The following RPS6KC1 variants were observed in gnomAD, a reference collection of about 807,000 sequenced individuals.
RPS6KC1 encodes the protein inactive ribosomal protein S6 kinase delta-1.
Under a neutral mutation model 103.8 loss-of-function variants are expected in RPS6KC1, and 54 were observed. That is an observed-to-expected ratio of 0.52 (90% CI 0.42 to 0.65). RPS6KC1 has a LOEUF of 0.65. Ranked by LOEUF, RPS6KC1 falls within the 30% of genes least tolerant of loss-of-function variation. RPS6KC1 has a pLI of 0.00. For synonymous variants in RPS6KC1, 439 were observed against 438.7 expected (o/e 1.00, Z -0.01); for missense variants, 1,151 against 1,253.8 (o/e 0.92, Z 1.24).
chr1:213,084,753 C>T (rs942713294), intron 3 of RPS6KC1, among the ~76,000 whole-genome samples: 4 of 152,008 alleles, frequency 2.6e-5, no homozygotes, highest in Non-Finnish European at 5.9e-5. Flanking sequence ...TGAAGAATAC[C>T]TTCTGCCTCT....
chr1:213,620,316 G>A, the RPS6KC1 span, among the ~76,000 whole-genome samples: 15 of 152,212 alleles, frequency 9.9e-5, no homozygotes, highest in Non-Finnish European at 8.8e-5. Flanking sequence ...GGTTTCTGGG[G>A]TCCAAAGTGG....
At chr1:213,378,673 T>G in the RPS6KC1 span, among the ~76,000 whole-genome samples, 18 of 152,360 alleles carry the variant, frequency 1.2e-4, no homozygotes, top group South Asian at 3.7e-3. Flanking sequence ...TATATCCATA[T>G]TTATTCATTC....
chr1:213,310,207 C>A, the RPS6KC1 span, among the ~76,000 whole-genome samples: 1 of 152,268 alleles, frequency 6.6e-6, no homozygotes, highest in Admixed American at 6.5e-5. Context: ...TCATAGTGAC[C>A]CTTTTAAAAG....
At chr1:213,563,917 T>C in the RPS6KC1 span, among the ~76,000 whole-genome samples, 2 of 151,764 alleles carry the variant, frequency 1.3e-5, no homozygotes, top group African/African-American at 2.4e-5. Context: ...ATTTTACCAA[T>C]TTATTTGCTT....
intron 6 of RPS6KC1, among the ~76,000 whole-genome samples, chr1:213,131,534 C>G (rs1439438639): frequency 1.3e-5 from 2 of 152,002 alleles, no homozygotes; most frequent in African/African-American, 2.4e-5. Flanking sequence ...ACCTTTGCCT[C>G]CGGGGTTCAA....
intron 8 of RPS6KC1, among the ~76,000 whole-genome samples, chr1:213,183,354 G>C (rs1184808160): frequency 6.6e-6 from 1 of 152,070 alleles, no homozygotes; most frequent in Non-Finnish European, 1.5e-5. Context: ...AAGAACAGCA[G>C]ACTACACATT....
At chr1:213,435,448 A>G in the RPS6KC1 span, among the ~76,000 whole-genome samples, 1 of 152,186 alleles carries the variant, frequency 6.6e-6, no homozygotes, top group Non-Finnish European at 1.5e-5. Flanking sequence ...ATTGGGTACT[A>G]GATATTTTTA....
chr1:213,235,995 G>A (rs532245939), intron 10 of RPS6KC1, among the ~76,000 whole-genome samples: 5 of 152,290 alleles, frequency 3.3e-5, no homozygotes, highest in South Asian at 2.1e-4. Flanking sequence ...CTGGAGGTGA[G>A]TGGCGGACAA....
the RPS6KC1 span, among the ~76,000 whole-genome samples, chr1:213,541,291 A>G: frequency 2.6e-5 from 4 of 151,300 alleles, no homozygotes; most frequent in African/African-American, 9.7e-5. Flanking sequence ...TTACAATGGT[A>G]ACATCAAAGA....
the RPS6KC1 span, among the ~76,000 whole-genome samples, chr1:213,620,152 T>A: frequency 6.6e-6 from 1 of 152,242 alleles, no homozygotes; most frequent in African/African-American, 2.4e-5. Context: ...GTATGGCTGC[T>A]TAACAAACTA....
intron 8 of RPS6KC1, among the ~76,000 whole-genome samples, chr1:213,191,961 A>G (rs1279312709): frequency 6.6e-6 from 1 of 151,994 alleles, no homozygotes; most frequent in Non-Finnish European, 1.5e-5. Flanking sequence ...GGCACGTGTC[A>G]CCATGCCCAG....
intron 3 of RPS6KC1, among the ~76,000 whole-genome samples, chr1:213,094,388 C>CTT (rs548484572): frequency 5.5e-5 from 8 of 145,486 alleles, no homozygotes; most frequent in Admixed American, 4.8e-4. Context: ...TCCTTTTTAG[C>CTT]TTTTTTTTTT....
chr1:213,442,923 C>A, the RPS6KC1 span, among the ~76,000 whole-genome samples: 1 of 151,754 alleles, frequency 6.6e-6, no homozygotes, highest in Non-Finnish European at 1.5e-5. Flanking sequence ...AGTGGGCACC[C>A]AAAACCTACT....
the RPS6KC1 span, among the ~76,000 whole-genome samples, chr1:213,283,824 A>G: frequency 2.0e-5 from 3 of 152,330 alleles, no homozygotes; most frequent in Non-Finnish European, 4.4e-5. Flanking sequence ...GCAAGATGTC[A>G]TGCTTTAAAA....
the RPS6KC1 span, among the ~76,000 whole-genome samples, chr1:213,656,159 G>A: frequency 6.6e-6 from 1 of 152,178 alleles, no homozygotes. Context: ...TGGGCACAGA[G>A]AGGCCATGTA....
intron 8 of RPS6KC1, among the ~76,000 whole-genome samples, chr1:213,192,057 G>T (rs2092768520): frequency 6.6e-6 from 1 of 152,052 alleles, no homozygotes; most frequent in Non-Finnish European, 1.5e-5. Flanking sequence ...CCCAGCTGAG[G>T]TAAGTTTCTT....
At chr1:213,675,526 T>C in the RPS6KC1 span, among the ~76,000 whole-genome samples, 1 of 152,224 alleles carries the variant, frequency 6.6e-6, no homozygotes, top group Admixed American at 6.5e-5. Flanking sequence ...CTTATTTTTG[T>C]TGGTCTTACC....
the RPS6KC1 span, among the ~76,000 whole-genome samples, chr1:213,300,826 A>C: frequency 1.1e-3 from 167 of 152,346 alleles, no homozygotes; most frequent in African/African-American, 3.5e-3. Flanking sequence ...TCAGCATTTT[A>C]GTAAAACAAC....
the RPS6KC1 span, among the ~76,000 whole-genome samples, chr1:213,495,510 C>T: frequency 4.4e-4 from 67 of 152,186 alleles, no homozygotes; most frequent in African/African-American, 1.5e-3. Flanking sequence ...TTAGTAGAGA[C>T]GGGGTTTCAC....
Sources: allele counts gnomAD v4.1 joint callset (sites outside exome capture counted in the v4.1 genomes callset), GRCh38; gene constraint gnomAD v4.1.1; transcripts MANE v1.5; gene names NCBI Gene and HGNC (gene_info 2026-07-23, HGNC 2026-07-21).